The following MYCBP2 variants were observed in gnomAD, a reference collection of about 807,000 sequenced individuals.
MYCBP2 encodes MYC binding protein 2, also known as E3 ubiquitin-protein ligase MYCBP2.
Under a neutral mutation model 525.3 loss-of-function variants are expected in MYCBP2, and 120 were observed. The observed-to-expected ratio is 0.23, with a 90% confidence interval of 0.20 to 0.27. The LOEUF (loss-of-function observed/expected upper bound fraction) is 0.27, where lower values mean the gene tolerates loss of function less well. MYCBP2 is among the 10% of genes least tolerant of loss of function. The pLI, the probability that MYCBP2 is intolerant of heterozygous loss-of-function variation, is 1.00. For missense variants in MYCBP2, 4,149 were observed against 5,657.1 expected (o/e 0.73, Z 8.55); for synonymous variants, 1,894 against 1,955.8 (o/e 0.97, Z 0.83).
intron 23 of MYCBP2, among the ~76,000 whole-genome samples, chr13:77,209,610 C>A (rs1023468387): frequency 6.6e-6 from 1 of 152,120 alleles, no homozygotes; most frequent in Non-Finnish European, 1.5e-5. Context: ...AACTTTGGTT[C>A]TTAATACCTC....
At chr13:77,211,426 GAAT>G in intron 22 of MYCBP2, 106 bp from the exon 23 acceptor site, 1 of 513,488 alleles carries the variant, frequency 1.9e-6, no homozygotes, top group Non-Finnish European at 2.8e-6. Context: ...AATAAGCAGA[GAAT>G]AAAAGAGGCT....
At chr13:77,255,178 G>C (rs1045120746) in intron 14 of MYCBP2, among the ~76,000 whole-genome samples, 1 of 151,358 alleles carries the variant, frequency 6.6e-6, no homozygotes, top group African/African-American at 2.4e-5. Context: ...ACCTTCATAC[G>C]AATGAAAAAT....
At chr13:77,143,044 A>C (rs2054937543) in intron 49 of MYCBP2, among the ~76,000 whole-genome samples, 1 of 152,232 alleles carries the variant, frequency 6.6e-6, no homozygotes, top group Non-Finnish European at 1.5e-5. Flanking sequence ...CAAGAAATTC[A>C]CACTGATAAG....
At chr13:77,318,808 T>C (rs1373670144) in intron 1 of MYCBP2, among the ~76,000 whole-genome samples, 1 of 152,158 alleles carries the variant, frequency 6.6e-6, no homozygotes, top group Non-Finnish European at 1.5e-5. Flanking sequence ...CATGTGTGCC[T>C]GTTAGACACA....
intron 52 of MYCBP2, among the ~76,000 whole-genome samples, chr13:77,127,483 T>C (rs1481473635): frequency 6.6e-6 from 1 of 151,898 alleles, no homozygotes; most frequent in Admixed American, 6.6e-5. Context: ...ATTACTCCTT[T>C]AAAAGAGATT....
intron 34 of MYCBP2, among the ~76,000 whole-genome samples, chr13:77,178,355 G>C (rs181525083): frequency 2.6e-5 from 4 of 152,330 alleles, no homozygotes; most frequent in African/African-American, 9.6e-5. Flanking sequence ...GCAGAGATAG[G>C]TGTGCAAGGA....
At chr13:77,065,110 T>C (rs1208317160) in intron 72 of MYCBP2, among the ~76,000 whole-genome samples, 1 of 152,180 alleles carries the variant, frequency 6.6e-6, no homozygotes, top group Non-Finnish European at 1.5e-5. Flanking sequence ...TTTAGATGAG[T>C]ATTACAGGAA....
intron 41 of MYCBP2, 36 bp downstream of exon 41, chr13:77,166,293 T>C: frequency 2.1e-6 from 3 of 1,428,386 alleles, no homozygotes; most frequent in Non-Finnish European, 2.9e-6. Flanking sequence ...AATGCACTTA[T>C]TTTACCACAT....
intron 44 of MYCBP2, among the ~76,000 whole-genome samples, chr13:77,160,239 CG>C (rs2057737808): frequency 6.6e-6 from 1 of 152,044 alleles, no homozygotes; most frequent in Non-Finnish European, 1.5e-5. Flanking sequence ...GCTAATGAGA[CG>C]GGGTTTCTTT....
intron 68 of MYCBP2, among the ~76,000 whole-genome samples, chr13:77,071,795 C>T (rs1414800530): frequency 1.3e-5 from 2 of 152,124 alleles, no homozygotes; most frequent in Admixed American, 6.5e-5. Flanking sequence ...TGCACGTGGA[C>T]ATTCACTAAA....
intron 62 of MYCBP2, among the ~76,000 whole-genome samples, chr13:77,084,917 C>T (rs1037778867): frequency 1.3e-5 from 2 of 151,980 alleles, no homozygotes; most frequent in Non-Finnish European, 2.9e-5. Context: ...TCTCTGCCAA[C>T]ACAACTGACG....
intron 75 of MYCBP2, 71 bp from the exon 76 acceptor site, chr13:77,061,372 A>T: frequency 7.9e-7 from 1 of 1,270,072 alleles, no homozygotes; most frequent in African/African-American, 1.5e-5. Context: ...ATAAAATTTA[A>T]TTATTCAATA....
intron 68 of MYCBP2, 30 bp from the exon 69 acceptor site, chr13:77,070,741 A>AG: frequency 7.2e-7 from 1 of 1,391,708 alleles, no homozygotes. Flanking sequence ...AAAAAAAAAA[A>AG]GAATGAAGTG....
chr13:77,287,559 A>G (rs1450457514), intron 3 of MYCBP2, among the ~76,000 whole-genome samples: 2 of 152,158 alleles, frequency 1.3e-5, no homozygotes, highest in Non-Finnish European at 2.9e-5. Flanking sequence ...GTAATATCAG[A>G]ATAATGCAGA....
chr13:77,237,868 T>C (rs191519342), intron 17 of MYCBP2, among the ~76,000 whole-genome samples: 181 of 152,280 alleles, frequency 1.2e-3, no homozygotes, highest in African/African-American at 4.0e-3. Flanking sequence ...AAAGAGACTT[T>C]TATGTGTCAC....
At position 77,093,268 on chromosome 13, in the gene MYCBP2, G is replaced by C; in HGVS notation, c.10264C>G (p.Leu3422Val). The C allele has an allele frequency of 1.2e-6, 2 of 1,613,408 alleles. No homozygotes were observed. The highest frequency in any genetic ancestry group is 1.7e-6 in the Non-Finnish European group (2 of 1,179,554). Reference protein sequence around the residue: ...DNLFQDEMRYLRSTSVPAPYI... With the variant: ...DNLFQDEMRYVRSTSVPAPYI... ...GGGGCAGGTACAGATGTTGAACGTA[G>C]ATATCTCATTTCATCCTGGAATAGA... The change falls in exon 59 of 83, where the codon CTA (leucine) becomes GTA (valine). Residue 3422 changes from leucine to valine, a missense_variant. Physicochemically the swap from Leu to Val is conservative, Grantham distance 32. Around this residue, in one of 21 missense-constraint regions of MYCBP2, gnomAD observed 509 missense variants for 789.4 expected, o/e 0.64. Transcript: ENST00000544440.
intron 49 of MYCBP2, among the ~76,000 whole-genome samples, chr13:77,141,496 C>G (rs563599213): frequency 6.6e-6 from 1 of 152,062 alleles, no homozygotes; most frequent in Non-Finnish European, 1.5e-5. Flanking sequence ...AGGGGCCAGG[C>G]GCAGTGGTTC....
chr13:77,207,805 T>C (rs1484657364), intron 23 of MYCBP2, among the ~76,000 whole-genome samples: 8 of 152,190 alleles, frequency 5.3e-5, no homozygotes, highest in Non-Finnish European at 1.0e-4. Context: ...CCTTGGTCTT[T>C]AGTGTTCAAC....
At chr13:77,277,967 T>C (rs2075807670) in intron 4 of MYCBP2, among the ~76,000 whole-genome samples, 1 of 152,250 alleles carries the variant, frequency 6.6e-6, no homozygotes, top group Admixed American at 6.5e-5. Flanking sequence ...AAAGCTCCTA[T>C]CTTATTTAAA....
Sources: gnomAD v4.1 joint callset for allele counts (sites outside exome capture counted in the v4.1 genomes callset) on GRCh38, gnomAD v4.1.1 for gene constraint, gnomAD v4.1.1 regional missense constraint, MANE v1.5 for transcripts, NCBI Gene and HGNC (gene_info 2026-07-23, HGNC 2026-07-21) for gene names.